DIP2C: variants seen among roughly 807,000 people sequenced by gnomAD.
DIP2C encodes the protein DIP2 acetate--CoA ligase C (putative).
Under a neutral mutation model 192.4 loss-of-function variants are expected in DIP2C, and 33 were observed. The ratio of observed to expected loss-of-function variants is 0.17; its 90% CI spans 0.13 to 0.23. DIP2C has a LOEUF of 0.23. Among genes scored for constraint, DIP2C ranks in the 10% least tolerant of loss-of-function variants. The pLI, the probability that DIP2C is intolerant of heterozygous loss-of-function variation, is 1.00. For missense variants in DIP2C, 1,537 were observed against 2,110.1 expected (o/e 0.73, Z 5.32); for synonymous variants, 979 against 864.1 (o/e 1.13, Z -2.33).
chr10:591,979 C>A (rs953541824), intron 1 of DIP2C, among the ~76,000 whole-genome samples: 20 of 152,124 alleles, frequency 1.3e-4, no homozygotes, highest in African/African-American at 4.8e-4. Context: ...GAGTCTAAGT[C>A]GCCAGAAAAC....
chr10:453,178 G>A (rs1002416104), intron 3 of DIP2C, among the ~76,000 whole-genome samples: 1 of 152,212 alleles, frequency 6.6e-6, no homozygotes, highest in African/African-American at 2.4e-5. Flanking sequence ...TAGCAGCTGT[G>A]CAGCATCAGA....
At chr10:564,775 A>T (rs79377285) in intron 1 of DIP2C, among the ~76,000 whole-genome samples, 359 of 152,268 alleles carry the variant, frequency 2.4e-3, no homozygotes, top group Middle Eastern at 6.8e-3. Flanking sequence ...CGAACACACC[A>T]GCCACCTCCA....
chr10:347,288 C>G (rs1322298257), intron 26 of DIP2C, among the ~76,000 whole-genome samples: 1 of 112,460 alleles, frequency 8.9e-6, no homozygotes, highest in Non-Finnish European at 1.8e-5. Context: ...ATAGTTCTCC[C>G]GGGAACCCCA....
At chr10:479,623 T>C (rs915293801) in intron 2 of DIP2C, among the ~76,000 whole-genome samples, 1 of 152,156 alleles carries the variant, frequency 6.6e-6, no homozygotes, top group African/African-American at 2.4e-5. Flanking sequence ...CATGAGCCAA[T>C]GCGCCCGTCC....
chr10:404,514 C>G (rs1186664529), intron 9 of DIP2C, among the ~76,000 whole-genome samples: 1 of 152,158 alleles, frequency 6.6e-6, no homozygotes, highest in Non-Finnish European at 1.5e-5. Context: ...AGGCCTCATT[C>G]TTGAAGTTAA....
chr10:276,675 C>T lies in DIP2C; in HGVS notation c.*650G>A, dbSNP rs1023165500. The T allele has an allele frequency of 2.0e-5, 3 of 152,568 alleles. No homozygotes were observed. Among genetic ancestry groups the T allele is most frequent in the African/African-American group, 7.2e-5 (3 of 41,416 alleles). 9.5% of individuals were successfully genotyped at this position (152,568 alleles called of 1,614,324 possible). On this transcript the variant is annotated 3_prime_UTR_variant, in exon 37 of 37. Coordinates refer to ENST00000280886, the MANE Select transcript of DIP2C (RefSeq NM_014974.3). The stretch of plus-strand genomic sequence containing the variant: ...TACAAAGATATTTGCAAGATAATTG[C>T]CGAAATACACCTTATTTATAATTTC...
intron 3 of DIP2C, among the ~76,000 whole-genome samples, chr10:452,425 G>A (rs887895731): frequency 6.6e-6 from 1 of 152,108 alleles, no homozygotes; most frequent in Admixed American, 6.5e-5. Flanking sequence ...CAGGGGTGAA[G>A]AGCAGCTTCT....
intron 32 of DIP2C, among the ~76,000 whole-genome samples, chr10:299,570 T>A (rs1434623299): frequency 6.6e-6 from 1 of 152,214 alleles, no homozygotes; most frequent in Non-Finnish European, 1.5e-5. Flanking sequence ...CAGTCATGTG[T>A]TGGATATGTC....
chr10:591,518 G>A (rs1332476641), intron 1 of DIP2C, among the ~76,000 whole-genome samples: 1 of 152,142 alleles, frequency 6.6e-6, no homozygotes, highest in Non-Finnish European at 1.5e-5. Context: ...AAGAGAACCA[G>A]TTACCCATTT....
At chr10:456,721 C>A (rs1171758637) in intron 3 of DIP2C, among the ~76,000 whole-genome samples, 1 of 152,174 alleles carries the variant, frequency 6.6e-6, no homozygotes, top group Non-Finnish European at 1.5e-5. Flanking sequence ...CATCTGTGTT[C>A]CCTCCCTTTT....
intron 1 of DIP2C, among the ~76,000 whole-genome samples, chr10:670,217 CGCACACGCATGCAT>C (rs376828710): frequency 0.033 from 5,034 of 152,192 alleles, 260 homozygotes; most frequent in African/African-American, 0.11. Flanking sequence ...TGCACACATA[CGCACACGCATGCAT>C]GCACACGCAT....
chr10:400,667 T>C (rs1964347388), intron 9 of DIP2C, among the ~76,000 whole-genome samples: 1 of 151,998 alleles, frequency 6.6e-6, no homozygotes, highest in Non-Finnish European at 1.5e-5. Flanking sequence ...TACTCTTCCT[T>C]ATGGACAAGT....
At chr10:479,711 C>G (rs948332523) in intron 2 of DIP2C, among the ~76,000 whole-genome samples, 1 of 152,162 alleles carries the variant, frequency 6.6e-6, no homozygotes, top group African/African-American at 2.4e-5. Flanking sequence ...GCTTAGCAAC[C>G]CTTTTCCTAT....
chr10:588,469 T>C (rs920604793), intron 1 of DIP2C, among the ~76,000 whole-genome samples: 30 of 152,344 alleles, frequency 2.0e-4, no homozygotes, highest in African/African-American at 6.5e-4. Flanking sequence ...TGAGCACTCA[T>C]GCTGGAATGA....
intron 4 of DIP2C, among the ~76,000 whole-genome samples, chr10:432,898 CATT>C (rs1338447242): frequency 9.2e-5 from 14 of 152,254 alleles, no homozygotes; most frequent in African/African-American, 3.1e-4. Context: ...TTGAGCAATG[CATT>C]ATTTTTAAGT....
chr10:598,156 A>T (rs1390331501), intron 1 of DIP2C, among the ~76,000 whole-genome samples: 1 of 152,196 alleles, frequency 6.6e-6, no homozygotes, highest in African/African-American at 2.4e-5. Context: ...AGTCGGAGAC[A>T]CCAGGGATGG....
rs145431952 is a variant in DIP2C, at chr10:419,043, G to A, written c.739+22C>T. 365 of 1,614,102 alleles carry A rather than the reference G, an allele frequency of 2.3e-4. 1 individual carries two copies. The African/African-American group carries it at 3.1e-3, about 14-fold the overall frequency. On this transcript the variant is annotated intron_variant, in intron 6 of 36. Transcript: ENST00000280886. ...CACAAACCGTTTACCAGAAAAAAACGCATCTCTCCTTTGGGACGTACCATC... is the reference window on the plus strand; with the variant it reads ...CACAAACCGTTTACCAGAAAAAAACACATCTCTCCTTTGGGACGTACCATC...
chr10:600,309 C>T (rs1851973626), intron 1 of DIP2C, among the ~76,000 whole-genome samples: 1 of 152,190 alleles, frequency 6.6e-6, no homozygotes, highest in Admixed American at 6.5e-5. Flanking sequence ...GACACAGCCT[C>T]AGCACAACCT....
At chr10:392,736 G>A (rs200668403) in intron 10 of DIP2C, among the ~76,000 whole-genome samples, 5 of 94,094 alleles carry the variant, frequency 5.3e-5, no homozygotes, top group Non-Finnish European at 9.5e-5. Context: ...AGGTACACAC[G>A]CGCACACACT....
Sources: allele counts gnomAD v4.1 joint callset (sites outside exome capture counted in the v4.1 genomes callset), GRCh38; gene constraint gnomAD v4.1.1; transcripts MANE v1.5; gene names NCBI Gene and HGNC (gene_info 2026-07-23, HGNC 2026-07-21).